The following ERBIN variants were observed in gnomAD, a reference collection of about 807,000 sequenced individuals.
The protein encoded by ERBIN is erbb2 interacting protein, also known as densin-180-like protein.
In ERBIN, 60 loss-of-function variants were observed where a neutral mutation model predicts 158.4. The ratio of observed to expected loss-of-function variants is 0.38; its 90% CI spans 0.31 to 0.47. The LOEUF (loss-of-function observed/expected upper bound fraction) is 0.47. Among genes scored for constraint, ERBIN ranks in the 20% least tolerant of loss-of-function variants. ERBIN has a pLI of 0.99. For synonymous variants in ERBIN, 594 were observed against 557.2 expected (o/e 1.07, Z -0.93); for missense variants, 1,610 against 1,648.0 (o/e 0.98, Z 0.40).
chr5:66,005,430 A>C (rs532906279), intron 4 of ERBIN, among the ~76,000 whole-genome samples: 25 of 152,168 alleles, frequency 1.6e-4, no homozygotes, highest in South Asian at 4.2e-4. Flanking sequence ...TAAAGAGAAA[A>C]ACTGTGCTAG....
At chr5:65,973,707 T>C (rs973462795) in intron 1 of ERBIN, among the ~76,000 whole-genome samples, 6 of 151,318 alleles carry the variant, frequency 4.0e-5, no homozygotes, top group African/African-American at 1.5e-4. Flanking sequence ...GTAGGTGGAA[T>C]GAGGAGTCAG....
chr5:66,056,448 G>A (rs948040333), intron 21 of ERBIN, among the ~76,000 whole-genome samples: 1 of 152,010 alleles, frequency 6.6e-6, no homozygotes, highest in African/African-American at 2.4e-5. Flanking sequence ...ATCTTATATG[G>A]CTGTTTTCCT....
intron 21 of ERBIN, among the ~76,000 whole-genome samples, chr5:66,062,421 G>A (rs1488364061): frequency 6.6e-6 from 1 of 152,096 alleles, no homozygotes; most frequent in Non-Finnish European, 1.5e-5. Flanking sequence ...CTCTGCATTG[G>A]TTATTCTAGT....
chr5:66,025,574 A>G (rs1399766227), intron 11 of ERBIN, 22 bp downstream of exon 11: 3 of 1,545,262 alleles, frequency 1.9e-6, no homozygotes. Context: ...GTGAATGTAT[A>G]CACCCTCGAA....
At chr5:66,003,345 C>T (rs569699515) in intron 4 of ERBIN, among the ~76,000 whole-genome samples, 38 of 151,122 alleles carry the variant, frequency 2.5e-4, no homozygotes, top group African/African-American at 9.1e-4. Context: ...TCATGAGGGT[C>T]GCAGAAGGTG....
At position 66,081,815 on chromosome 5, in the gene ERBIN, A is replaced by G. The variant is rs1340309220; in HGVS notation, c.*3285A>G. ...AGCCTTCTGTTTTAATGTTCAGTGA[A>G]TAGGTTTCTTATGAAATGGACATTG... On this transcript the variant is annotated 3_prime_UTR_variant, in exon 26 of 26. Coordinates refer to ENST00000284037, the MANE Select transcript of ERBIN (RefSeq NM_001253697.2). 4 of 152,038 alleles carry G rather than the reference A, an allele frequency of 2.6e-5. No individual in the cohort carries two copies. Among genetic ancestry groups the G allele is most frequent in the Non-Finnish European group, 4.4e-5 (3 of 67,958 alleles). 9.4% of individuals were successfully genotyped at this position (152,038 alleles called of 1,614,324 possible).
intron 22 of ERBIN, 94 bp from the exon 23 acceptor site, chr5:66,074,930 C>T (rs141530262): frequency 4.6e-6 from 5 of 1,093,698 alleles, no homozygotes; most frequent in Non-Finnish European, 6.7e-6. Flanking sequence ...AATGTGAAAA[C>T]TCTAGTGCTT....
chr5:66,027,815 G>A (rs1193897887), intron 13 of ERBIN, among the ~76,000 whole-genome samples: 1 of 151,964 alleles, frequency 6.6e-6, no homozygotes, highest in Non-Finnish European at 1.5e-5. Context: ...TATCATCTTA[G>A]GGTAGTCTTC....
intron 1 of ERBIN, among the ~76,000 whole-genome samples, chr5:65,980,568 A>G (rs1016683710): frequency 6.6e-6 from 1 of 152,258 alleles, no homozygotes; most frequent in Non-Finnish European, 1.5e-5. Flanking sequence ...AGGACCCAAC[A>G]TTATGCTTCC....
At chr5:66,009,870 A>G (rs1016903203) in intron 4 of ERBIN, among the ~76,000 whole-genome samples, 1 of 152,242 alleles carries the variant, frequency 6.6e-6, no homozygotes, top group Non-Finnish European at 1.5e-5. Flanking sequence ...AACTTAGATT[A>G]AGTGAAAAAT....
chr5:66,020,197 A>T (rs1331710049), intron 7 of ERBIN, among the ~76,000 whole-genome samples: 1 of 152,068 alleles, frequency 6.6e-6, no homozygotes. Context: ...CATATTTAAA[A>T]TGTAAAGGGA....
At chr5:65,969,730 C>G (rs1253612272) in intron 1 of ERBIN, among the ~76,000 whole-genome samples, 1 of 152,086 alleles carries the variant, frequency 6.6e-6, no homozygotes, top group Non-Finnish European at 1.5e-5. Flanking sequence ...TTGTGTCACT[C>G]TAAAACTCAC....
At chr5:65,973,578 A>G (rs1749519930) in intron 1 of ERBIN, among the ~76,000 whole-genome samples, 1 of 151,210 alleles carries the variant, frequency 6.6e-6, no homozygotes, top group East Asian at 1.9e-4. Context: ...ATGCTTTTCA[A>G]CAGGTCTGGT....
At position 66,025,845 on chromosome 5, in the gene ERBIN, AAGGTTAAT is replaced by A; in HGVS notation, c.891-1_897del. On this transcript the variant is annotated splice_acceptor_variant and coding_sequence_variant, in exon 12 of 26. Coordinates refer to ENST00000284037, the MANE Select transcript of ERBIN (RefSeq NM_001253697.2). LOFTEE classifies it high-confidence loss of function. ...AATATATATTTCTTTTTTTAAATTA[AAGGTTAAT>A]ATCAGTAGAAGAACTGGATTGTAGT... 1 of 1,432,148 alleles carries A rather than the reference AAGGTTAAT, an allele frequency of 7.0e-7. No homozygotes were observed. 88.7% of individuals were successfully genotyped at this position (1,432,148 alleles called of 1,614,324 possible).
intron 1 of ERBIN, among the ~76,000 whole-genome samples, chr5:65,955,157 T>G (rs938151903): frequency 6.6e-6 from 1 of 152,162 alleles, no homozygotes; most frequent in African/African-American, 2.4e-5. Flanking sequence ...ATGGTTCGGA[T>G]TTTTAAAAAA....
Position 66,023,150 on chromosome 5 carries a change from T to A in ERBIN, c.598-140T>A, listed in dbSNP as rs562601686. Reference sequence around the variant, plus strand: ...GGCTTACATCCTGGCTCTTCTTTTTTATTTTTCCTTCTCCCTGCTCCTTTT... The same window carrying A: ...GGCTTACATCCTGGCTCTTCTTTTTAATTTTTCCTTCTCCCTGCTCCTTTT... On this transcript the variant is annotated intron_variant, in intron 8 of 25. Coordinates refer to ENST00000284037, the MANE Select transcript of ERBIN (RefSeq NM_001253697.2). 35 of 636,754 alleles carry A rather than the reference T, an allele frequency of 5.5e-5. No homozygotes were observed. In the African/African-American group the frequency reaches 6.2e-4, roughly 11 times the overall value. The allele number at this position is 636,754 out of a possible 1,614,324, so 39.4% of individuals were successfully genotyped here. A position where few individuals can be genotyped will look rare whatever the true frequency, so the allele number is the denominator to read the frequency against.
At chr5:65,971,237 G>T (rs1488357642) in intron 1 of ERBIN, among the ~76,000 whole-genome samples, 1 of 150,722 alleles carries the variant, frequency 6.6e-6, no homozygotes, top group Admixed American at 6.6e-5. Flanking sequence ...TCTTGTTTGT[G>T]CATGCTGGTT....
At chr5:66,035,882 C>T (rs768176573) in intron 14 of ERBIN, among the ~76,000 whole-genome samples, 1 of 152,072 alleles carries the variant, frequency 6.6e-6, no homozygotes, top group Admixed American at 6.6e-5. Flanking sequence ...TTGCTTGAGG[C>T]CGGGAGTTTG....
intron 7 of ERBIN, among the ~76,000 whole-genome samples, chr5:66,019,927 C>T (rs2151134563): frequency 6.6e-6 from 1 of 152,144 alleles, no homozygotes; most frequent in South Asian, 2.1e-4. Flanking sequence ...TCACTTTTTG[C>T]AAATCTCCAC....
Sources: gnomAD v4.1 joint callset for allele counts (sites outside exome capture counted in the v4.1 genomes callset) on GRCh38, gnomAD v4.1.1 for gene constraint, MANE v1.5 for transcripts, NCBI Gene and HGNC (gene_info 2026-07-23, HGNC 2026-07-21) for gene names.